The following PDE4B variants were observed in gnomAD, a reference collection of about 807,000 sequenced individuals.
PDE4B encodes the protein phosphodiesterase 4B, also known as 3',5'-cyclic-AMP phosphodiesterase 4B.
In PDE4B, 20 loss-of-function variants were observed where a neutral mutation model predicts 82.2. The ratio of observed to expected loss-of-function variants is 0.24; its 90% CI spans 0.17 to 0.35. PDE4B has a LOEUF of 0.35. Ranked by LOEUF, PDE4B falls within the 10% of genes least tolerant of loss-of-function variation. The pLI, the probability that PDE4B is intolerant of heterozygous loss-of-function variation, is 1.00. For synonymous variants in PDE4B, 320 were observed against 318.9 expected, an observed-to-expected ratio of 1.00 and a Z score of -0.04; for missense variants, 655 against 907.2, an observed-to-expected ratio of 0.72 and a Z score of 3.57.
At chr1:66,152,465 T>C in intron 3 of PDE4B, 1 of 295,480 alleles carries the variant, frequency 3.4e-6, no homozygotes, top group Non-Finnish European at 7.7e-6. Context: ...ATGCAAGGTC[T>C]GTACTTTTTA....
At chr1:66,312,978 A>T (rs534093959) in intron 7 of PDE4B, among the ~76,000 whole-genome samples, 5 of 152,014 alleles carry the variant, frequency 3.3e-5, no homozygotes, top group African/African-American at 1.2e-4. Flanking sequence ...AACCTTGTGG[A>T]TATCTGCTTC....
At chr1:66,133,195 A>G (rs1645987269) in intron 3 of PDE4B, among the ~76,000 whole-genome samples, 1 of 152,104 alleles carries the variant, frequency 6.6e-6, no homozygotes, top group South Asian at 2.1e-4. Flanking sequence ...TCAGTGAGTG[A>G]TTCTCTTTGT....
At chr1:66,286,975 G>C (rs1279210763) in intron 7 of PDE4B, among the ~76,000 whole-genome samples, 1 of 152,104 alleles carries the variant, frequency 6.6e-6, no homozygotes, top group East Asian at 1.9e-4. Flanking sequence ...AGGTTTGTTA[G>C]CTGTTATAAG....
intron 3 of PDE4B, among the ~76,000 whole-genome samples, chr1:66,098,429 A>G (rs548978032): frequency 1.3e-5 from 2 of 152,286 alleles, no homozygotes; most frequent in African/African-American, 2.4e-5. Flanking sequence ...CTCAGGAATC[A>G]TGATCCATCA....
In PDE4B at chr1:66,373,243, C is replaced by T. The variant is rs1478791723; in HGVS notation, c.*565C>T. On this transcript the variant is annotated 3_prime_UTR_variant, in exon 17 of 17. Transcript: ENST00000341517. ...CTTCTTTCTTGGGCAATATCCTTCA[C>T]TTTACTACAGTTACTTTTGCAAACA... 1.3e-5 allele frequency: 2 copies of T among 153,578 alleles called. No homozygotes were observed. The highest frequency in any genetic ancestry group is 6.5e-5 in the Admixed American group (1 of 15,458). 9.5% of individuals were successfully genotyped at this position (153,578 alleles called of 1,614,324 possible).
chr1:66,367,892 C>A, intron 14 of PDE4B, 42 bp downstream of exon 14: 1 of 1,612,836 alleles, frequency 6.2e-7, no homozygotes, highest in South Asian at 1.1e-5. Flanking sequence ...TACTGCCATT[C>A]TCTCTGATAG....
rs2050749443 is a variant in PDE4B at position 66,371,094 on chromosome 1, C to CTACATATATA, written c.1846-1217_1846-1216insCATATATATA. On this transcript the variant is annotated intron_variant, in intron 16 of 16. Transcript: ENST00000341517. ...TATATATATATACACACACATCATA[C>CTACATATATA]TATATATATATATATATATATATAT... 4.0e-5 allele frequency among the ~76,000 whole-genome samples: 3 copies of CTACATATATA among 74,842 alleles called. No individual in the cohort carries two copies. The East Asian group carries it at 2.4e-3, about 59-fold the overall frequency. 49.1% of individuals were successfully genotyped at this position (74,842 alleles called of 152,430 possible).
intron 3 of PDE4B, among the ~76,000 whole-genome samples, chr1:66,182,935 T>C (rs1647101196): frequency 6.6e-6 from 1 of 152,250 alleles, no homozygotes; most frequent in African/African-American, 2.4e-5. Context: ...AGACAAGGAA[T>C]GTGAATTGCG....
chr1:66,131,603 A>AC (rs1392238909), intron 3 of PDE4B, among the ~76,000 whole-genome samples: 1 of 73,948 alleles, frequency 1.4e-5, no homozygotes. Context: ...ATATATATAT[A>AC]TATATATATA....
intron 3 of PDE4B, among the ~76,000 whole-genome samples, chr1:66,186,206 G>C (rs973806519): frequency 6.6e-6 from 1 of 152,076 alleles, no homozygotes; most frequent in Non-Finnish European, 1.5e-5. Context: ...CTCTGTTTTG[G>C]TACCAGCACC....
chr1:66,248,821 A>T lies in PDE4B; in HGVS notation c.476+1167A>T, dbSNP rs80031986. The stretch of plus-strand genomic sequence containing the variant: ...CAAACATAACAGAGTGAAAGGAAAT[A>T]ACATTTAATGAGCACTTCCCATGGA... On this transcript the variant is annotated intron_variant, in intron 4 of 16. Coordinates refer to ENST00000341517, the MANE Select transcript of PDE4B (RefSeq NM_002600.4). Among the ~76,000 whole-genome samples, 479 of 152,342 alleles carry T rather than the reference A, an allele frequency of 3.1e-3. 1 individual carries two copies. Among genetic ancestry groups the T allele is most frequent in the African/African-American group, 0.011 (458 of 41,588 alleles).
intron 3 of PDE4B, among the ~76,000 whole-genome samples, chr1:66,067,648 C>A (rs530833055): frequency 3.3e-5 from 5 of 152,176 alleles, no homozygotes; most frequent in Admixed American, 1.3e-4. Context: ...TGCCTGTTCA[C>A]TCTGATGGTA....
rs539832286 is a variant in PDE4B at position 65,821,124 on chromosome 1, A to G, written c.-71+27876A>G. 9.7e-4 allele frequency among the ~76,000 whole-genome samples: 148 copies of G among 152,256 alleles called. 1 individual carries two copies. Among genetic ancestry groups the G allele is most frequent in the Non-Finnish European group, 1.8e-3 (122 of 68,016 alleles). On this transcript the variant is annotated intron_variant, in intron 1 of 16. Coordinates refer to ENST00000341517, the MANE Select transcript of PDE4B (RefSeq NM_002600.4). ...ATGAGTACATTGCATGAGACAGGGC[A>G]CTCTGTCTCTAATGATGACTCCAGC... is the stretch of plus-strand genomic sequence containing the variant.
intron 1 of PDE4B, among the ~76,000 whole-genome samples, chr1:65,821,545 T>TA (rs373439240): frequency 2.6e-5 from 4 of 152,174 alleles, no homozygotes; most frequent in Non-Finnish European, 4.4e-5. Context: ...TCATGAAAAC[T>TA]AAAAAAAACC....
intron 9 of PDE4B, among the ~76,000 whole-genome samples, chr1:66,359,606 G>T (rs1032489258): frequency 6.6e-5 from 10 of 152,198 alleles, no homozygotes; most frequent in African/African-American, 2.4e-4. Context: ...ACTCACTGTT[G>T]CAGGGAATCT....
intron 3 of PDE4B, among the ~76,000 whole-genome samples, chr1:65,997,450 A>G (rs1319991971): frequency 6.6e-6 from 1 of 152,188 alleles, no homozygotes; most frequent in Non-Finnish European, 1.5e-5. Flanking sequence ...ATATTTGGCA[A>G]GACAACACTG....
chr1:65,859,071 C>T (rs1646425874), intron 1 of PDE4B, among the ~76,000 whole-genome samples: 1 of 151,960 alleles, frequency 6.6e-6, no homozygotes, highest in Non-Finnish European at 1.5e-5. Flanking sequence ...TGTGTGTTGC[C>T]CAAATATTCT....
chr1:66,108,320 A>C (rs1645413423), intron 3 of PDE4B, among the ~76,000 whole-genome samples: 1 of 152,002 alleles, frequency 6.6e-6, no homozygotes, highest in South Asian at 2.1e-4. Flanking sequence ...TTAAAAACTA[A>C]AACATAAGAC....
intron 3 of PDE4B, among the ~76,000 whole-genome samples, chr1:65,963,132 CT>C (rs1649631893): frequency 6.6e-6 from 1 of 152,200 alleles, no homozygotes; most frequent in Non-Finnish European, 1.5e-5. Context: ...CCGTACACCA[CT>C]GGATGCATAC....
Sources: allele counts gnomAD v4.1 joint callset (sites outside exome capture counted in the v4.1 genomes callset), GRCh38; gene constraint gnomAD v4.1.1; transcripts MANE v1.5; gene names NCBI Gene and HGNC (gene_info 2026-07-23, HGNC 2026-07-21).